MYO15B: variants seen among roughly 807,000 people sequenced by gnomAD.
MYO15B encodes myosin XVB pseudogene.
Under a neutral mutation model 119.3 loss-of-function variants are expected in MYO15B, and 207 were observed. That is an observed-to-expected ratio of 1.73 (90% CI 1.55 to 1.95). The LOEUF is 1.95. Among genes scored for constraint, MYO15B ranks in the 30% most tolerant of loss-of-function variants. The probability of loss-of-function intolerance (pLI) is 0.00; values close to 1 mark genes in which losing one functional copy is unlikely to be tolerated. For synonymous variants in MYO15B, 966 were observed against 498.9 expected, an observed-to-expected ratio of 1.94 and a Z score of -12.48; for missense variants, 2,264 against 1,203.1, an observed-to-expected ratio of 1.88 and a Z score of -13.04.
Position 75,621,578 on chromosome 17 carries a change from G to A in MYO15B, c.8005+8G>A, listed in dbSNP as rs905120675. 1.7e-5 allele frequency: 12 copies of A among 700,246 alleles called. No homozygotes were observed. The highest frequency in any genetic ancestry group is 8.0e-5 in the Admixed American group (4 of 49,948). 43.4% of individuals were successfully genotyped at this position (700,246 alleles called of 1,614,324 possible). A position where few individuals can be genotyped will look rare whatever the true frequency, so the allele number is the denominator to read the frequency against. ...CTGTAGCCAGCTTCCTGGGTGAGTGGCCACAGGCATCCTGGGTCCCCATGT... is the reference window on the plus strand; with the variant it reads ...CTGTAGCCAGCTTCCTGGGTGAGTGACCACAGGCATCCTGGGTCCCCATGT... On this transcript the variant is annotated splice_region_variant and intron_variant, in intron 52 of 63. Coordinates refer to ENST00000645453, the Ensembl canonical transcript of MYO15B.
intron 43 of MYO15B, 48 bp downstream of exon 43, chr17:75,618,233 T>A (rs2058495500): frequency 1.4e-6 from 1 of 702,236 alleles, no homozygotes; most frequent in East Asian, 2.7e-5. Context: ...AGAGACAGCA[T>A]CCTTCGTGCC....
exon 41 of MYO15B, chr17:75,617,279 A>G (rs557275864): frequency 2.7e-5 from 18 of 664,552 alleles, no homozygotes; most frequent in Non-Finnish European, 4.6e-5. Flanking sequence ...CCGAGGACCC[A>G]GGGACCCTTT....
At chr17:75,591,096 G>A (rs145458638) in intron 3 of MYO15B, 76 bp from the exon 4 acceptor site, 39 of 697,242 alleles carry the variant, frequency 5.6e-5, no homozygotes, top group East Asian at 4.6e-4. Flanking sequence ...CTGAGGTCCC[G>A]GGGCCTGTGA....
At chr17:75,616,940 C>T (rs184261237) in exon 40 of MYO15B, 36 of 702,940 alleles carry the variant, frequency 5.1e-5, no homozygotes, top group Middle Eastern at 4.6e-4. Context: ...TGGGTATCAA[C>T]GGTGCCCACT....
intron 14 of MYO15B, among the ~76,000 whole-genome samples, chr17:75,597,662 C>T (rs960301398): frequency 9.9e-5 from 15 of 152,218 alleles, no homozygotes; most frequent in Admixed American, 2.6e-4. Flanking sequence ...CAGTGGCTCA[C>T]GCCTGTAATC....
intron 21 of MYO15B, among the ~76,000 whole-genome samples, chr17:75,606,631 G>A (rs1206689494): frequency 6.6e-6 from 1 of 151,984 alleles, no homozygotes. Flanking sequence ...ATGCCACCAC[G>A]CCTGGCTAAT....
In MYO15B at chr17:75,614,286, G is replaced by C. The variant is rs1172581709; in HGVS notation, c.5307G>C (p.Leu1769=). 3 of 702,686 alleles carry C rather than the reference G, an allele frequency of 4.3e-6. No homozygotes were observed. The East Asian group carries it at 8.0e-5, about 19-fold the overall frequency. 43.5% of individuals were successfully genotyped at this position (702,686 alleles called of 1,614,324 possible). A position where few individuals can be genotyped will look rare whatever the true frequency, so the allele number is the denominator to read the frequency against. Reference sequence around the variant, plus strand: ...ACTTGGCTGGCTGCGACTTTGTGCTGGACCTGATCAGCCAGACTGAGGACC... The same window carrying C: ...ACTTGGCTGGCTGCGACTTTGTGCTCGACCTGATCAGCCAGACTGAGGACC... The change falls in exon 30 of 64, where the codon CTG becomes CTC. Residue 1769 remains leucine, a synonymous_variant. Coordinates refer to ENST00000645453, the Ensembl canonical transcript of MYO15B.
intron 47 of MYO15B, 29 bp downstream of exon 47, chr17:75,620,049 G>A (rs1023448125): frequency 1.9e-5 from 13 of 689,138 alleles, no homozygotes; most frequent in Admixed American, 6.1e-5. Flanking sequence ...TTGAGAGGCC[G>A]GGCAGACAGC....
intron 42 of MYO15B, 81 bp from the exon 43 acceptor site, chr17:75,618,045 T>C: frequency 1.4e-6 from 1 of 694,390 alleles, no homozygotes; most frequent in Non-Finnish European, 2.6e-6. Flanking sequence ...CAAGGCTGAT[T>C]TTCCAGGCCT....
exon 62 of MYO15B, chr17:75,625,937 T>C (rs1332848114): frequency 1.4e-6 from 1 of 702,542 alleles, no homozygotes; most frequent in Admixed American, 2.0e-5. Context: ...CTCCTGGGGC[T>C]CAACCGCCAG....
chr17:75,592,785 G>C lies in MYO15B; in HGVS notation c.2936G>C (p.Trp979Ser), dbSNP rs1034034132. Residue 979 changes from tryptophan (W) to serine (S), a missense_variant, in exon 9 of 64, where the codon TGG (tryptophan) becomes TCG (serine). Physicochemically the swap from Trp to Ser is radical, Grantham distance 177. Transcript: ENST00000645453. ...TGCCCAGAGGAGTTGAATGCCGTCTGGGCTGTGCTGGCCGCCATCCTGCAG... is the reference window on the plus strand; with the variant it reads ...TGCCCAGAGGAGTTGAATGCCGTCTCGGCTGTGCTGGCCGCCATCCTGCAG... 1.1e-5 allele frequency: 8 copies of C among 702,790 alleles called. No individual in the cohort carries two copies. In the African/African-American group the frequency reaches 1.4e-4, roughly 12 times the overall value. The allele number at this position is 702,790 out of a possible 1,614,324, so 43.5% of individuals were successfully genotyped here. A position where few individuals can be genotyped will look rare whatever the true frequency, so the allele number is the denominator to read the frequency against.
chr17:75,613,043 C>T lies in MYO15B; in HGVS notation c.4801C>T (p.Arg1601Trp), dbSNP rs778929506. 2.3e-4 allele frequency: 161 copies of T among 700,388 alleles called. 1 individual carries two copies. The highest frequency in any genetic ancestry group is 3.5e-4 in the African/African-American group (20 of 57,216). The allele number at this position is 700,388 out of a possible 1,614,324, so 43.4% of individuals were successfully genotyped here. The stretch of plus-strand genomic sequence containing the variant: ...GCAGATCATGGGCGCATACCTGGTG[C>T]GGCAGGGGCAGTGCCGGCCAGGGCT... Residue 1601 changes from arginine to tryptophan, a missense_variant, in exon 27 of 64, where the codon CGG (arginine) becomes TGG (tryptophan). Transcript: ENST00000645453.
Position 75,622,100 on chromosome 17 carries a change from C to A in MYO15B, c.8082+20C>A, listed in dbSNP as rs960906144. 6 of 702,566 alleles carry A rather than the reference C, an allele frequency of 8.5e-6. No homozygotes were observed. The highest frequency in any genetic ancestry group is 1.6e-5 in the Non-Finnish European group (6 of 384,810). 43.5% of individuals were successfully genotyped at this position (702,566 alleles called of 1,614,324 possible). On this transcript the variant is annotated intron_variant, in intron 53 of 63. Coordinates refer to ENST00000645453, the Ensembl canonical transcript of MYO15B. ...CTGAAGGTAAGCCTGGGCTGTGCGA[C>A]CCCCAGCGCCTGTGCCTGTCCTCCT...
In MYO15B at chr17:75,613,223, G is replaced by GAGGTGGGGACCTGGC; in HGVS notation, c.4967+23_4967+37dup. 1.5e-6 allele frequency: 1 copy of GAGGTGGGGACCTGGC among 684,626 alleles called. No homozygotes were observed. Among genetic ancestry groups the GAGGTGGGGACCTGGC allele is most frequent in the South Asian group, 1.5e-5 (1 of 66,936 alleles). The allele number at this position is 684,626 out of a possible 1,614,324, so 42.4% of individuals were successfully genotyped here. A position where few individuals can be genotyped will look rare whatever the true frequency, so the allele number is the denominator to read the frequency against. ...GCCACTGCTCAAGTAAGGGGCCTGG[G>GAGGTGGGGACCTGGC]AGGTGGGGACCTGGCAGGTGGGGTC... On this transcript the variant is annotated intron_variant, in intron 27 of 63. Coordinates refer to ENST00000645453, the Ensembl canonical transcript of MYO15B.
At chr17:75,621,262 T>C (rs956338809) in intron 50 of MYO15B, 83 bp from the exon 51 acceptor site, 7 of 661,764 alleles carry the variant, frequency 1.1e-5, no homozygotes, top group South Asian at 8.2e-5. Flanking sequence ...TGGGCTGTGC[T>C]CTTAGCACTC....
chr17:75,607,387 T>C (rs1215524526), intron 21 of MYO15B, among the ~76,000 whole-genome samples: 1 of 151,726 alleles, frequency 6.6e-6, no homozygotes, highest in East Asian at 1.9e-4. Flanking sequence ...TGTTGTAGCA[T>C]GTGTCAGAAA....
chr17:75,626,214 T>C (rs1246164060), exon 63 of MYO15B: 2 of 702,976 alleles, frequency 2.8e-6, no homozygotes, highest in South Asian at 3.0e-5. Flanking sequence ...GACCATCTGG[T>C]TTGAGCTGCC....
At chr17:75,615,948 T>C in intron 36 of MYO15B, 64 bp downstream of exon 36, 2 of 608,544 alleles carry the variant, frequency 3.3e-6, no homozygotes, top group South Asian at 1.9e-5. Context: ...GCAGGGGACA[T>C]GGGCAGGGTG....
At chr17:75,623,342 G>A (rs80209639) in intron 53 of MYO15B, among the ~76,000 whole-genome samples, 5,810 of 149,334 alleles carry the variant, frequency 0.039, 152 homozygotes, top group Admixed American at 0.058. Flanking sequence ...AAAAATAAAT[G>A]AAAAGGCCGG....
Sources: allele counts gnomAD v4.1 joint callset (sites outside exome capture counted in the v4.1 genomes callset), GRCh38; gene constraint gnomAD v4.1.1; transcripts MANE v1.5; gene names NCBI Gene and HGNC (gene_info 2026-07-23, HGNC 2026-07-21).